The following LRRC49 variants were observed in gnomAD, a reference collection of about 807,000 sequenced individuals.
LRRC49 encodes leucine-rich repeat-containing protein 49.
A neutral mutation model predicts 83.3 loss-of-function variants in LRRC49; 50 were observed. The observed-to-expected ratio is 0.60, with a 90% confidence interval of 0.48 to 0.76. The LOEUF is 0.76. Ranked by LOEUF, LRRC49 falls within the 30% of genes least tolerant of loss-of-function variation. The pLI, the probability that LRRC49 is intolerant of heterozygous loss-of-function variation, is 0.00. For missense variants in LRRC49, 704 were observed against 809.1 expected (o/e 0.87, Z 1.58); for synonymous variants, 286 against 283.3 (o/e 1.01, Z -0.10).
At chr15:70,897,180 A>G (rs904856540) in intron 3 of LRRC49, among the ~76,000 whole-genome samples, 7 of 152,186 alleles carry the variant, frequency 4.6e-5, no homozygotes, top group African/African-American at 1.4e-4. Context: ...GGCAGTTAGT[A>G]AACAGATTTG....
At chr15:70,917,375 C>T (rs905883709) in intron 6 of LRRC49, among the ~76,000 whole-genome samples, 2 of 152,176 alleles carry the variant, frequency 1.3e-5, no homozygotes. Flanking sequence ...CCAATCAGCA[C>T]TCACTTCCTC....
At chr15:71,004,939 A>C (rs2038404288) in intron 11 of LRRC49, among the ~76,000 whole-genome samples, 1 of 152,154 alleles carries the variant, frequency 6.6e-6, no homozygotes, top group Non-Finnish European at 1.5e-5. Flanking sequence ...AACGGGTACT[A>C]GGCTTAATAT....
intron 14 of LRRC49, among the ~76,000 whole-genome samples, chr15:71,023,784 C>T (rs529847515): frequency 1.6e-4 from 25 of 152,306 alleles, no homozygotes; most frequent in African/African-American, 4.8e-4. Context: ...TCTCAGTGAC[C>T]ACTCGGCTGG....
chr15:70,872,020 G>A (rs914589800), intron 1 of LRRC49, among the ~76,000 whole-genome samples: 2 of 152,194 alleles, frequency 1.3e-5, no homozygotes, highest in African/African-American at 4.8e-5. Flanking sequence ...CTGCAATCTC[G>A]GCACTTTGGG....
chr15:70,926,670 C>T (rs546380476), intron 7 of LRRC49, among the ~76,000 whole-genome samples: 94 of 151,436 alleles, frequency 6.2e-4, no homozygotes, highest in African/African-American at 2.1e-3. Context: ...CCTACCCCTT[C>T]CCCCCACCCC....
intron 11 of LRRC49, among the ~76,000 whole-genome samples, chr15:71,002,708 T>C (rs749890713): frequency 7.9e-5 from 12 of 152,116 alleles, no homozygotes; most frequent in East Asian, 7.7e-4. Flanking sequence ...CACTTATTCA[T>C]TGGGAAAAGA....
intron 1 of LRRC49, among the ~76,000 whole-genome samples, chr15:70,856,592 CA>C (rs1262076734): frequency 6.6e-6 from 1 of 152,186 alleles, no homozygotes; most frequent in African/African-American, 2.4e-5. Context: ...ATGTTTAAGG[CA>C]ACTCACATAA....
At chr15:70,976,176 C>T (rs2037199617) in intron 9 of LRRC49, among the ~76,000 whole-genome samples, 2 of 152,180 alleles carry the variant, frequency 1.3e-5, no homozygotes, top group Admixed American at 1.3e-4. Context: ...CTATCCTGTT[C>T]TGACTATTTC....
intron 15 of LRRC49, among the ~76,000 whole-genome samples, chr15:71,038,484 C>T (rs1282461582): frequency 1.3e-5 from 2 of 152,034 alleles, no homozygotes; most frequent in Non-Finnish European, 2.9e-5. Flanking sequence ...TTTTCCTTTC[C>T]TTTCCTTCCC....
intron 9 of LRRC49, among the ~76,000 whole-genome samples, chr15:70,968,926 G>A (rs1018164020): frequency 6.6e-6 from 1 of 152,120 alleles, no homozygotes; most frequent in African/African-American, 2.4e-5. Flanking sequence ...CTTCCGTTCT[G>A]TAGGTTACCT....
intron 7 of LRRC49, among the ~76,000 whole-genome samples, chr15:70,919,609 T>G (rs2034930910): frequency 6.6e-6 from 1 of 152,112 alleles, no homozygotes; most frequent in South Asian, 2.1e-4. Flanking sequence ...TGCTTTGCAG[T>G]TTTTAAAGAG....
At chr15:71,013,343 T>C (rs1299605494) in intron 14 of LRRC49, among the ~76,000 whole-genome samples, 1 of 152,180 alleles carries the variant, frequency 6.6e-6, no homozygotes, top group Non-Finnish European at 1.5e-5. Context: ...ATGGGATGAT[T>C]ATGAATAAAT....
chr15:71,015,417 C>T (rs1340620482), intron 14 of LRRC49, among the ~76,000 whole-genome samples: 2 of 152,142 alleles, frequency 1.3e-5, no homozygotes, highest in Non-Finnish European at 2.9e-5. Context: ...AGTGGGCAAC[C>T]AAGATCCCTG....
intron 1 of LRRC49, chr15:70,859,736 G>C: frequency 1.4e-6 from 1 of 706,468 alleles, no homozygotes; most frequent in South Asian, 1.4e-5. Flanking sequence ...GGAGCAGCGT[G>C]GGGAGCTGGC....
rs1436723876 is a variant in LRRC49, at chr15:71,037,185, G to A, written c.1710G>A (p.Lys570=). 6.2e-7 allele frequency: 1 copy of A among 1,603,422 alleles called. No homozygotes were observed. The highest frequency in any genetic ancestry group is 8.5e-7 in the Non-Finnish European group (1 of 1,175,310). Residue 570 remains lysine (K), a synonymous_variant, in exon 15 of 16, where the codon AAG becomes AAA. Transcript: ENST00000260382. ...CTTTACTGTCTTTCTACAGGAAAAA[G>A]CAATTTCGGTATCTACTAGAATCCA... ...LISILGDARK[K]QFRYLLESKG... is the part of the protein sequence containing the mutation.
chr15:70,967,738 T>C (rs980234280), intron 9 of LRRC49, among the ~76,000 whole-genome samples: 1 of 152,222 alleles, frequency 6.6e-6, no homozygotes, highest in East Asian at 1.9e-4. Context: ...TTGCCCATTG[T>C]AGTATGAAAA....
intron 1 of LRRC49, among the ~76,000 whole-genome samples, chr15:70,855,334 CAAAAAAAAAAAAAAGAAAAAG>C (rs2032628938): frequency 1.7e-5 from 1 of 59,214 alleles, no homozygotes; most frequent in Admixed American, 1.4e-4. Flanking sequence ...GACTCCGTCT[CAAAAAAAAAAAAAAGAAAAAG>C]AAAAAAAAAG....
At chr15:70,859,427 A>G (rs747170078) in intron 1 of LRRC49, 2 of 738,650 alleles carry the variant, frequency 2.7e-6, no homozygotes, top group Non-Finnish European at 5.0e-6. Flanking sequence ...GCAGTCCCAC[A>G]TCTCGGACAT....
intron 9 of LRRC49, among the ~76,000 whole-genome samples, chr15:70,970,423 A>G (rs1241065794): frequency 1.3e-5 from 2 of 152,186 alleles, no homozygotes; most frequent in African/African-American, 4.8e-5. Context: ...CATCAGGGAT[A>G]CTGGCCTGAA....
Sources: allele counts gnomAD v4.1 joint callset (sites outside exome capture counted in the v4.1 genomes callset), GRCh38; gene constraint gnomAD v4.1.1; transcripts MANE v1.5; gene names NCBI Gene and HGNC (gene_info 2026-07-23, HGNC 2026-07-21).